The following CFAP144 variants were observed in gnomAD, a reference collection of about 807,000 sequenced individuals.
CFAP144 encodes the protein cilia- and flagella-associated protein 144.
chr1:43,150,399 A>T, the CFAP144 span, among the ~76,000 whole-genome samples: 4 of 152,350 alleles, frequency 2.6e-5, no homozygotes, highest in African/African-American at 9.6e-5. Flanking sequence ...TCAGTGATGA[A>T]AATGTTCTCT....
chr1:43,147,723 A>T, the CFAP144 span: 29 of 1,365,928 alleles, frequency 2.1e-5, no homozygotes, highest in Non-Finnish European at 2.7e-5. Flanking sequence ...AAGTGAGTAC[A>T]GTGCCAGAAT....
the CFAP144 span, chr1:43,156,219 G>A: frequency 8.7e-6 from 14 of 1,613,758 alleles, no homozygotes; most frequent in Middle Eastern, 3.3e-4. Flanking sequence ...AACCCAGAAC[G>A]CCATGACCGC....
chr1:43,148,792 A>C, the CFAP144 span, among the ~76,000 whole-genome samples: 30 of 152,250 alleles, frequency 2.0e-4, 1 homozygote, highest in East Asian at 5.8e-3. Flanking sequence ...TCTCATGATC[A>C]TTAGAAGCCT....
chr1:43,149,727 A>G, the CFAP144 span, among the ~76,000 whole-genome samples: 1 of 152,252 alleles, frequency 6.6e-6, no homozygotes, highest in Non-Finnish European at 1.5e-5. Context: ...TAAAGTGAGA[A>G]AATATTACAA....
the CFAP144 span, chr1:43,152,745 A>G: frequency 3.6e-6 from 5 of 1,407,522 alleles, no homozygotes; most frequent in South Asian, 3.2e-5. Context: ...CCTGAAAGGA[A>G]CAATGTGGAC....
chr1:43,149,741 G>T, the CFAP144 span, among the ~76,000 whole-genome samples: 1 of 152,116 alleles, frequency 6.6e-6, no homozygotes, highest in East Asian at 1.9e-4. Flanking sequence ...ATTACAACTT[G>T]TATTGATTAC....
the CFAP144 span, among the ~76,000 whole-genome samples, chr1:43,154,060 GTGTATATA>G: frequency 2.8e-5 from 2 of 71,762 alleles, no homozygotes; most frequent in African/African-American, 8.9e-5. Context: ...ATATATGTGT[GTGTATATA>G]TATATATATA....
At chr1:43,154,075 T>TAC in the CFAP144 span, among the ~76,000 whole-genome samples, 1 of 121,918 alleles carries the variant, frequency 8.2e-6, no homozygotes, top group East Asian at 2.2e-4. Flanking sequence ...TATATATATA[T>TAC]ATATATATAT....
chr1:43,155,809 T>C, the CFAP144 span, among the ~76,000 whole-genome samples: 1 of 152,254 alleles, frequency 6.6e-6, no homozygotes, highest in East Asian at 1.9e-4. Context: ...TAACATTTTC[T>C]GGAAATACAT....
the CFAP144 span, among the ~76,000 whole-genome samples, chr1:43,152,512 A>G: frequency 6.6e-6 from 1 of 152,118 alleles, no homozygotes; most frequent in African/African-American, 2.4e-5. Flanking sequence ...GTCTGCCACC[A>G]TCACGTCATT....
chr1:43,149,601 C>T, the CFAP144 span, among the ~76,000 whole-genome samples: 1 of 152,182 alleles, frequency 6.6e-6, no homozygotes, highest in Admixed American at 6.5e-5. Context: ...TGTCCAAAGC[C>T]GTTCAAACTC....
At chr1:43,150,820 G>T in the CFAP144 span, 1 of 1,607,256 alleles carries the variant, frequency 6.2e-7, no homozygotes, top group East Asian at 2.2e-5. Context: ...ACCTGCAGAT[G>T]GTAAGTCCTG....
the CFAP144 span, chr1:43,150,948 A>G: frequency 1.4e-6 from 1 of 711,130 alleles, no homozygotes; most frequent in Non-Finnish European, 2.4e-6. Flanking sequence ...TGGAAATGGG[A>G]CTCATACTAA....
the CFAP144 span, among the ~76,000 whole-genome samples, chr1:43,152,390 C>T: frequency 3.9e-5 from 6 of 152,196 alleles, no homozygotes; most frequent in Admixed American, 3.9e-4. Context: ...CTTCCCAGGG[C>T]TGGCTCCTGC....
At chr1:43,156,157 C>T in the CFAP144 span, 3 of 1,542,578 alleles carry the variant, frequency 1.9e-6, no homozygotes, top group Non-Finnish European at 2.7e-6. Context: ...AACCCAGGTC[C>T]TCCTGCATCC....
the CFAP144 span, among the ~76,000 whole-genome samples, chr1:43,149,807 A>G: frequency 6.6e-6 from 1 of 152,218 alleles, no homozygotes. Context: ...TAGTCCATAA[A>G]AACTATATAA....
chr1:43,151,246 G>A, the CFAP144 span, among the ~76,000 whole-genome samples: 2 of 152,186 alleles, frequency 1.3e-5, no homozygotes, highest in African/African-American at 2.4e-5. Flanking sequence ...TCTCAGGATT[G>A]ATGTGAGGAT....
At chr1:43,145,254 G>A in the CFAP144 span, 2 of 1,549,904 alleles carry the variant, frequency 1.3e-6, no homozygotes, top group Non-Finnish European at 1.7e-6. Flanking sequence ...AGAGAATGAA[G>A]AGGAGAGTGA....
the CFAP144 span, among the ~76,000 whole-genome samples, chr1:43,146,242 T>C: frequency 1.6e-4 from 24 of 152,326 alleles, no homozygotes; most frequent in Non-Finnish European, 3.4e-4. Context: ...CAATGTAAAA[T>C]ATCTCAATAA....
Sources: allele counts gnomAD v4.1 joint callset (sites outside exome capture counted in the v4.1 genomes callset), GRCh38; gene constraint gnomAD v4.1.1; transcripts MANE v1.5; gene names NCBI Gene and HGNC (gene_info 2026-07-23, HGNC 2026-07-21).